GMPS: variants seen among roughly 807,000 people sequenced by gnomAD.
GMPS encodes the protein GMP synthase [glutamine-hydrolyzing].
GMPS carries 15 observed loss-of-function variants against 77.9 expected under a neutral mutation model. The ratio of observed to expected loss-of-function variants is 0.19; its 90% CI spans 0.13 to 0.30. The LOEUF (loss-of-function observed/expected upper bound fraction) is 0.30. GMPS is among the 10% of genes least tolerant of loss of function. GMPS has a pLI of 1.00. For synonymous variants in GMPS, 224 were observed against 275.9 expected (o/e 0.81, Z 1.86); for missense variants, 590 against 838.8 (o/e 0.70, Z 3.66).
At chr3:155,929,100 A>C (rs1020557574) in intron 12 of GMPS, among the ~76,000 whole-genome samples, 2 of 151,678 alleles carry the variant, frequency 1.3e-5, no homozygotes, top group African/African-American at 4.8e-5. Context: ...TAGATCCCTG[A>C]GGAATCGCCA....
chr3:155,871,041 G>A (rs1753891987), intron 1 of GMPS, 144 bp downstream of exon 1: 1 of 657,078 alleles, frequency 1.5e-6, no homozygotes, highest in South Asian at 3.1e-5. Flanking sequence ...GCGTCGTAGA[G>A]TCCCTGGTCG....
intron 10 of GMPS, among the ~76,000 whole-genome samples, chr3:155,920,842 A>G (rs377464942): frequency 1.4e-4 from 22 of 152,348 alleles, no homozygotes; most frequent in African/African-American, 4.8e-4. Context: ...GGTTTTGCCT[A>G]TAACTAGGCA....
chr3:155,932,129 G>T (rs1323140078), intron 13 of GMPS, among the ~76,000 whole-genome samples: 1 of 152,016 alleles, frequency 6.6e-6, no homozygotes, highest in Non-Finnish European at 1.5e-5. Flanking sequence ...AAAGGAGAAA[G>T]ATTTTTATTT....
intron 1 of GMPS, among the ~76,000 whole-genome samples, chr3:155,884,395 A>G (rs1176880365): frequency 6.6e-6 from 1 of 151,884 alleles, no homozygotes; most frequent in East Asian, 1.9e-4. Flanking sequence ...CCAGAAAAAA[A>G]AAAAAAAGAA....
At position 155,942,336 on chromosome 3, in the gene GMPS, C is replaced by G; in HGVS notation, c.*4644C>G. ...ATCTCCCGACCTCATGATCCGCCCG[C>G]CTCGGCCTCTCAGAGTGCTGGGATT... On this transcript the variant is annotated 3_prime_UTR_variant, in exon 16 of 16. Coordinates refer to ENST00000496455, the MANE Select transcript of GMPS (RefSeq NM_003875.3). 1 of 195,640 alleles carries G rather than the reference C, an allele frequency of 5.1e-6. No homozygotes were observed. Among genetic ancestry groups the G allele is most frequent in the East Asian group, 8.0e-5 (1 of 12,430 alleles). 12.1% of individuals were successfully genotyped at this position (195,640 alleles called of 1,614,324 possible). A position where few individuals can be genotyped will look rare whatever the true frequency, so the allele number is the denominator to read the frequency against.
chr3:155,930,811 A>G (rs988079345), intron 12 of GMPS, among the ~76,000 whole-genome samples: 14 of 152,094 alleles, frequency 9.2e-5, no homozygotes, highest in Non-Finnish European at 1.8e-4. Flanking sequence ...GCCAAATTAT[A>G]ATTTTTCATA....
At chr3:155,932,409 G>C (rs572434431) in intron 13 of GMPS, among the ~76,000 whole-genome samples, 1 of 151,748 alleles carries the variant, frequency 6.6e-6, no homozygotes, top group Non-Finnish European at 1.5e-5. Flanking sequence ...AAAAGAAATA[G>C]GCATGTGCCA....
intron 12 of GMPS, among the ~76,000 whole-genome samples, chr3:155,926,106 G>T (rs1479221110): frequency 6.6e-6 from 1 of 152,066 alleles, no homozygotes; most frequent in Admixed American, 6.6e-5. Flanking sequence ...TGAATTCCTG[G>T]GTTCAAGCGA....
At chr3:155,930,110 T>C (rs1465422448) in intron 12 of GMPS, among the ~76,000 whole-genome samples, 1 of 145,278 alleles carries the variant, frequency 6.9e-6, no homozygotes, top group Non-Finnish European at 1.5e-5. Flanking sequence ...CTTCAAACTA[T>C]ACTACAACGC....
rs1283542473 is a variant in GMPS, at chr3:155,940,801, A to G, written c.*3109A>G. 1 of 223,296 alleles carries G rather than the reference A, an allele frequency of 4.5e-6. No homozygotes were observed. Among genetic ancestry groups the G allele is most frequent in the Non-Finnish European group, 8.9e-6 (1 of 112,220 alleles). 13.8% of individuals were successfully genotyped at this position (223,296 alleles called of 1,614,324 possible). On this transcript the variant is annotated 3_prime_UTR_variant, in exon 16 of 16. Transcript: ENST00000496455. ...AGATATGACACAAAGGGAAACATCAAAATGCACCGTAAAGTTAAATCCTAG... is the reference window on the plus strand; with the variant it reads ...AGATATGACACAAAGGGAAACATCAGAATGCACCGTAAAGTTAAATCCTAG...
chr3:155,919,053 A>G (rs1005203259), intron 9 of GMPS, among the ~76,000 whole-genome samples, 180 bp from the exon 10 acceptor site: 1 of 152,216 alleles, frequency 6.6e-6, no homozygotes, highest in Non-Finnish European at 1.5e-5. Context: ...AATACCCATA[A>G]GATATTCGTC....
At chr3:155,901,567 G>T (rs1754738223) in intron 3 of GMPS, among the ~76,000 whole-genome samples, 1 of 151,902 alleles carries the variant, frequency 6.6e-6, no homozygotes, top group African/African-American at 2.4e-5. Context: ...CTAGGTAAAT[G>T]ATATTTTTTC....
chr3:155,906,269 A>G lies in GMPS; in HGVS notation c.526+6A>G. The G allele has an allele frequency of 6.3e-7, 1 of 1,583,974 alleles. No homozygotes were observed. On this transcript the variant is annotated splice_donor_region_variant and intron_variant, in intron 5 of 15. Transcript: ENST00000496455. ...TTCTGGAAACATAGTAGCAGGTGAAAATTCTAAAAATTTTGCAGAGTTCAT... is the reference window on the plus strand; with the variant it reads ...TTCTGGAAACATAGTAGCAGGTGAAGATTCTAAAAATTTTGCAGAGTTCAT...
At chr3:155,869,620 C>G (rs1246888338), upstream of GMPS, among the ~76,000 whole-genome samples, 2 of 152,166 alleles carry the variant, frequency 1.3e-5, no homozygotes, top group Non-Finnish European at 2.9e-5. Context: ...CTGAGAGGCA[C>G]ATTATCTCAC....
chr3:155,925,466 G>A (rs561052941), intron 12 of GMPS, 100 bp downstream of exon 12: 29 of 884,248 alleles, frequency 3.3e-5, no homozygotes, highest in Middle Eastern at 3.2e-4. Context: ...GCGCAGTGGC[G>A]TGATCTCAGC....
In GMPS at chr3:155,925,225, C is replaced by G. The variant is rs1271546378; in HGVS notation, c.1435-16C>G. 9 of 1,598,034 alleles carry G rather than the reference C, an allele frequency of 5.6e-6. No individual in the cohort carries two copies. Among genetic ancestry groups the G allele is most frequent in the Non-Finnish European group, 7.7e-6 (9 of 1,174,126 alleles). On this transcript the variant is annotated splice_polypyrimidine_tract_variant and intron_variant, in intron 11 of 15. Transcript: ENST00000496455. ...ATTTCTTAAAACTGAAAAAATGCCT[C>G]TTTGGTTTTTCTCAGCCACATACCC...
intron 1 of GMPS, among the ~76,000 whole-genome samples, chr3:155,880,449 G>A (rs949383834): frequency 6.6e-6 from 1 of 152,136 alleles, no homozygotes; most frequent in African/African-American, 2.4e-5. Flanking sequence ...TTTGTGGAGA[G>A]AGGTGGTAGT....
chr3:155,877,207 A>C (rs1180941508), intron 1 of GMPS, among the ~76,000 whole-genome samples: 1 of 152,216 alleles, frequency 6.6e-6, no homozygotes, highest in Non-Finnish European at 1.5e-5. Context: ...TTAGATGAAC[A>C]AAAGTACCTG....
At chr3:155,921,057 C>T (rs1029967839) in intron 10 of GMPS, among the ~76,000 whole-genome samples, 5 of 152,082 alleles carry the variant, frequency 3.3e-5, no homozygotes, top group African/African-American at 4.8e-5. Flanking sequence ...GCCTGGCCAA[C>T]GCGGTGAAAC....
Sources: allele counts gnomAD v4.1 joint callset (sites outside exome capture counted in the v4.1 genomes callset), GRCh38; gene constraint gnomAD v4.1.1; transcripts MANE v1.5; gene names NCBI Gene and HGNC (gene_info 2026-07-23, HGNC 2026-07-21).